The following BANP variants were observed in gnomAD, a reference collection of about 807,000 sequenced individuals.
The protein encoded by BANP is BTG3 associated nuclear protein, also known as protein BANP.
BANP carries 11 observed loss-of-function variants against 68.1 expected under a neutral mutation model. The ratio of observed to expected loss-of-function variants is 0.16; its 90% CI spans 0.10 to 0.27. The LOEUF (loss-of-function observed/expected upper bound fraction) is 0.27. BANP is among the 10% of genes least tolerant of loss of function. The pLI, the probability that BANP is intolerant of heterozygous loss-of-function variation, is 1.00. For missense variants in BANP, 504 were observed against 722.7 expected, an observed-to-expected ratio of 0.70 and a Z score of 3.47; for synonymous variants, 329 against 303.2, an observed-to-expected ratio of 1.09 and a Z score of -0.88.
chr16:88,060,486 G>A (rs1213603118), intron 11 of BANP, among the ~76,000 whole-genome samples: 2 of 152,224 alleles, frequency 1.3e-5, no homozygotes, highest in East Asian at 3.9e-4. Context: ...TGGGAACGTT[G>A]GAGCACATGT....
chr16:87,972,238 A>G (rs983303964), intron 1 of BANP, among the ~76,000 whole-genome samples: 9 of 151,570 alleles, frequency 5.9e-5, no homozygotes, highest in Admixed American at 2.0e-4. Flanking sequence ...TTAAGGCACC[A>G]TTGTGTTTAT....
chr16:87,952,253 A>T (rs1218520495), intron 1 of BANP: 1 of 152,280 alleles, frequency 6.6e-6, no homozygotes, highest in African/African-American at 2.4e-5. Flanking sequence ...TAGAGGACTG[A>T]TGTTTTTCAC....
At position 88,071,460 on chromosome 16, in the gene BANP, G is replaced by A. The variant is rs1216768815; in HGVS notation, c.1378-609G>A. 6 of 456,180 alleles carry A rather than the reference G, an allele frequency of 1.3e-5. No homozygotes were observed. The East Asian group carries it at 2.1e-4, about 16-fold the overall frequency. 28.3% of individuals were successfully genotyped at this position (456,180 alleles called of 1,614,324 possible). A position where few individuals can be genotyped will look rare whatever the true frequency, so the allele number is the denominator to read the frequency against. On this transcript the variant is annotated intron_variant, in intron 12 of 13. Coordinates refer to ENST00000682872, the MANE Select transcript of BANP (RefSeq NM_001386991.1). The surrounding 1 kb of genome is among the most constrained non-coding windows in gnomAD (Gnocchi z 6.5). ...ATTCTCATTCCATACTCTGGGAGGC[G>A]GTACAAGGTCGGGAGGGCCAGCGGG...
At chr16:88,043,350 A>G (rs1403739577) in intron 11 of BANP, among the ~76,000 whole-genome samples, 1 of 152,096 alleles carries the variant, frequency 6.6e-6, no homozygotes, top group African/African-American at 2.4e-5. Flanking sequence ...GTGCTTCTTC[A>G]TTGAGAGTGG....
At chr16:87,986,159 G>C (rs1468303174) in intron 4 of BANP, among the ~76,000 whole-genome samples, 1 of 152,150 alleles carries the variant, frequency 6.6e-6, no homozygotes, top group South Asian at 2.1e-4. Flanking sequence ...GCACCCCTGG[G>C]CACCTGCATT....
chr16:88,041,594 G>T (rs992869874), intron 11 of BANP, among the ~76,000 whole-genome samples: 2 of 152,138 alleles, frequency 1.3e-5, no homozygotes, highest in Non-Finnish European at 2.9e-5. Flanking sequence ...CCTGTCTCAC[G>T]CTCTTTCTGC....
At chr16:87,958,919 C>G (rs574085892) in intron 1 of BANP, among the ~76,000 whole-genome samples, 2 of 152,332 alleles carry the variant, frequency 1.3e-5, no homozygotes, top group African/African-American at 4.8e-5. Flanking sequence ...GCTTCGGGAT[C>G]CATCCTTTGC....
chr16:88,040,415 G>A (rs1336748348), intron 11 of BANP, among the ~76,000 whole-genome samples: 2 of 152,078 alleles, frequency 1.3e-5, no homozygotes, highest in African/African-American at 4.8e-5. Flanking sequence ...TGTCGACTGG[G>A]CTAAGAAGCC....
Position 88,071,965 on chromosome 16 carries a change from G to A in BANP, c.1378-104G>A, listed in dbSNP as rs1251699380. ...GAGGCCGTGTCCCTGCCGCTCAGGG[G>A]ACAGCACGTGTGGGCTGGGGTCTGC... On this transcript the variant is annotated intron_variant, in intron 12 of 13. Transcript: ENST00000682872. This position sits in a 1 kb window ranked among gnomAD's most constrained non-coding sequence, Gnocchi z 6.5. The A allele has an allele frequency of 4.1e-6, 6 of 1,458,888 alleles. No individual in the cohort carries two copies. Among genetic ancestry groups the A allele is most frequent in the Non-Finnish European group, 4.6e-6 (5 of 1,079,288 alleles). 90.4% of individuals were successfully genotyped at this position (1,458,888 alleles called of 1,614,324 possible).
At chr16:87,955,505 C>G (rs1034255747) in intron 1 of BANP, among the ~76,000 whole-genome samples, 1 of 152,216 alleles carries the variant, frequency 6.6e-6, no homozygotes, top group Non-Finnish European at 1.5e-5. Context: ...AGAAAGTTCA[C>G]AGCATTATTG....
intron 11 of BANP, among the ~76,000 whole-genome samples, chr16:88,043,794 T>C (rs1362448441): frequency 6.6e-6 from 1 of 151,984 alleles, no homozygotes; most frequent in Non-Finnish European, 1.5e-5. Context: ...GTAAAATAAT[T>C]TATTGTCTAA....
chr16:88,041,464 C>T (rs1165794032), intron 11 of BANP, among the ~76,000 whole-genome samples: 2 of 152,154 alleles, frequency 1.3e-5, no homozygotes, highest in Non-Finnish European at 1.5e-5. Flanking sequence ...CTAGTCACAT[C>T]CCACAGTTGC....
chr16:87,956,794 C>T (rs187206388), intron 1 of BANP: 7 of 152,268 alleles, frequency 4.6e-5, no homozygotes, highest in South Asian at 2.1e-4. Context: ...TCTGGCCCCC[C>T]CTTTGGAAGA....
intron 11 of BANP, among the ~76,000 whole-genome samples, chr16:88,046,933 G>C (rs1333945007): frequency 6.6e-6 from 1 of 151,954 alleles, no homozygotes; most frequent in African/African-American, 2.4e-5. Flanking sequence ...GGACGTGGGG[G>C]TGGGCGCCTG....
At chr16:88,026,253 C>T (rs939850144) in intron 7 of BANP, among the ~76,000 whole-genome samples, 4 of 152,172 alleles carry the variant, frequency 2.6e-5, no homozygotes, top group Admixed American at 1.3e-4. Flanking sequence ...TAGGTTGTGC[C>T]CACTCGGCTT....
chr16:88,027,253 C>T (rs1295612825), intron 7 of BANP, among the ~76,000 whole-genome samples: 2 of 152,042 alleles, frequency 1.3e-5, no homozygotes, highest in Non-Finnish European at 2.9e-5. Flanking sequence ...AAGAGTGTGT[C>T]ATGACACCTT....
intron 1 of BANP, among the ~76,000 whole-genome samples, chr16:87,955,133 G>C (rs2057789470): frequency 6.6e-6 from 1 of 152,212 alleles, no homozygotes; most frequent in African/African-American, 2.4e-5. Flanking sequence ...GGGTCCAGGA[G>C]GGCCTGCAGT....
At position 88,057,760 on chromosome 16, in the gene BANP, G is replaced by T. The variant is rs1271579542; in HGVS notation, c.1312-7507G>T. Reference sequence around the variant, plus strand: ...CGGGGCCATCTGGGTGGGGCGGGGGGGGGGGTGCGTGCAGTGACTCGCGCT... The same window carrying T: ...CGGGGCCATCTGGGTGGGGCGGGGGTGGGGGTGCGTGCAGTGACTCGCGCT... On this transcript the variant is annotated intron_variant, in intron 11 of 13. Transcript: ENST00000682872. This position sits in a 1 kb window ranked among gnomAD's most constrained non-coding sequence, Gnocchi z 4.6. Among the ~76,000 whole-genome samples, 4 of 146,486 alleles carry T rather than the reference G, an allele frequency of 2.7e-5. No individual in the cohort carries two copies. Among genetic ancestry groups the T allele is most frequent in the Admixed American group, 6.8e-5 (1 of 14,774 alleles).
At chr16:88,038,105 G>A (rs1350559798) in intron 11 of BANP, 94 bp downstream of exon 11, 4 of 1,329,104 alleles carry the variant, frequency 3.0e-6, no homozygotes, top group South Asian at 1.2e-5. Flanking sequence ...TGAGTGCCCT[G>A]GTCCCCATGT....
Sources: gnomAD v4.1 joint callset for allele counts (sites outside exome capture counted in the v4.1 genomes callset) on GRCh38, gnomAD v4.1.1 for gene constraint, Gnocchi (gnomAD v3.1) non-coding constraint, MANE v1.5 for transcripts, NCBI Gene and HGNC (gene_info 2026-07-23, HGNC 2026-07-21) for gene names.